HEPACAM2: variants seen among roughly 807,000 people sequenced by gnomAD.
The protein encoded by HEPACAM2 is HEPACAM family member 2.
HEPACAM2 carries 49 observed loss-of-function variants against 49.6 expected under a neutral mutation model. The ratio of observed to expected loss-of-function variants is 0.99; its 90% CI spans 0.78 to 1.25. The LOEUF (loss-of-function observed/expected upper bound fraction) is 1.25, where lower values mean the gene tolerates loss of function less well. Ranked by LOEUF, HEPACAM2 falls within the 50% of genes most tolerant of loss-of-function variation. HEPACAM2 has a pLI of 0.00. For missense variants in HEPACAM2, 525 were observed against 557.2 expected, an observed-to-expected ratio of 0.94 and a Z score of 0.58; for synonymous variants, 197 against 202.9, an observed-to-expected ratio of 0.97 and a Z score of 0.25.
At chr7:93,213,414 A>T (rs1794226204) in intron 3 of HEPACAM2, among the ~76,000 whole-genome samples, 1 of 151,998 alleles carries the variant, frequency 6.6e-6, no homozygotes, top group South Asian at 2.1e-4. Flanking sequence ...TTCATGAAAA[A>T]ACCCTTCACA....
chr7:93,226,528 A>C (rs1794545843), upstream of HEPACAM2: 1 of 1,011,376 alleles, frequency 9.9e-7, no homozygotes, highest in Admixed American at 1.8e-5. Flanking sequence ...GTGAGGTAAC[A>C]GACCCTATCT....
intron 3 of HEPACAM2, 43 bp from the exon 4 acceptor site, chr7:93,208,919 C>T: frequency 6.7e-7 from 1 of 1,494,752 alleles, no homozygotes; most frequent in South Asian, 1.3e-5. Flanking sequence ...CACAAGTAAT[C>T]ACAACATAGG....
At chr7:93,205,040 CA>C (rs1406831613) in intron 4 of HEPACAM2, among the ~76,000 whole-genome samples, 1 of 150,114 alleles carries the variant, frequency 6.7e-6, no homozygotes, top group African/African-American at 2.5e-5. Flanking sequence ...GCAGAGTTTG[CA>C]GTGAGCCGAG....
chr7:93,197,757 A>C, intron 4 of HEPACAM2, 147 bp from the exon 5 acceptor site: 22 of 556,304 alleles, frequency 4.0e-5, no homozygotes, highest in Admixed American at 6.6e-5. Context: ...GAGAGACCAA[A>C]TGGAAGGAAT....
chr7:93,195,759 A>G (rs1254987483), intron 8 of HEPACAM2, 69 bp downstream of exon 8: 1 of 1,245,698 alleles, frequency 8.0e-7, no homozygotes, highest in African/African-American at 1.5e-5. Context: ...GTGCTTAAAC[A>G]AATGCTTTTT....
At chr7:93,222,184 GGGAGATCAGCACA>G (rs1456375277) in intron 1 of HEPACAM2, among the ~76,000 whole-genome samples, 5 of 152,108 alleles carry the variant, frequency 3.3e-5, no homozygotes, top group African/African-American at 1.2e-4. Context: ...GCCTTTGGAT[GGGAGATCAGCACA>G]GGAAAAGATT....
chr7:93,209,023 AATG>A (rs1794108999), intron 3 of HEPACAM2, 147 bp from the exon 4 acceptor site: 1 of 553,174 alleles, frequency 1.8e-6, no homozygotes, highest in South Asian at 3.1e-5. Flanking sequence ...ACTCCCAATA[AATG>A]ATGAGGACCT....
chr7:93,198,846 CA>C (rs1271188921), intron 4 of HEPACAM2, among the ~76,000 whole-genome samples: 2 of 152,050 alleles, frequency 1.3e-5, no homozygotes, highest in East Asian at 3.9e-4. Context: ...CTCCAACAGC[CA>C]AAATAAGGGA....
At chr7:93,222,188 G>A (rs925584144) in intron 1 of HEPACAM2, among the ~76,000 whole-genome samples, 15 of 152,230 alleles carry the variant, frequency 9.9e-5, no homozygotes, top group African/African-American at 3.4e-4. Context: ...TTGGATGGGA[G>A]ATCAGCACAG....
upstream of HEPACAM2, among the ~76,000 whole-genome samples, chr7:93,228,834 G>A (rs1584361444): frequency 6.6e-6 from 1 of 151,854 alleles, no homozygotes; most frequent in Admixed American, 6.6e-5. Flanking sequence ...TTTACAATGG[G>A]ATATGGACAC....
chr7:93,212,896 T>C (rs562400844), intron 3 of HEPACAM2, among the ~76,000 whole-genome samples: 8 of 152,122 alleles, frequency 5.3e-5, no homozygotes, highest in Admixed American at 6.6e-5. Flanking sequence ...AGCAGAAGGA[T>C]AATTCCATTT....
chr7:93,197,410 G>C lies in HEPACAM2; in HGVS notation c.1139-13C>G, dbSNP rs374879910. The C allele has an allele frequency of 9.4e-6, 15 of 1,588,456 alleles. No individual in the cohort carries two copies. The highest frequency in any genetic ancestry group is 3.5e-5 in the South Asian group (3 of 86,534). On this transcript the variant is annotated splice_polypyrimidine_tract_variant and intron_variant, in intron 5 of 9. Transcript: ENST00000394468. ...TTCTGTTTTATAACTAAAATCAAGA[G>C]AGAAGAAAAATGGTAAGGTTTTTTT...
At position 93,192,352 on chromosome 7, in the gene HEPACAM2, C is replaced by A; in HGVS notation, c.1287G>T (p.Arg429Ser). 1.2e-6 allele frequency: 2 copies of A among 1,611,274 alleles called. No individual in the cohort carries two copies. Among genetic ancestry groups the A allele is most frequent in the Non-Finnish European group, 1.7e-6 (2 of 1,178,228 alleles). Residue 429 changes from arginine to serine, a missense_variant, in exon 9 of 10, where the codon AGG (arginine) becomes AGT (serine). By Grantham distance (110) the Arg-to-Ser change is moderately radical. Coordinates refer to ENST00000394468, the MANE Select transcript of HEPACAM2 (RefSeq NM_001039372.4). ...ATACACAATCAGAGGCTGGAACAGACCTGCTTGGGATCTAGAAAATGTGAT... is the reference window on the plus strand; with the variant it reads ...ATACACAATCAGAGGCTGGAACAGAACTGCTTGGGATCTAGAAAATGTGAT... ...DVSGVSRIPS[R>S]SVPASDCVSG... is the part of the protein sequence containing the mutation.
intron 8 of HEPACAM2, 81 bp downstream of exon 8, chr7:93,195,747 C>T (rs1252285124): frequency 8.8e-6 from 9 of 1,022,624 alleles, no homozygotes; most frequent in Non-Finnish European, 1.1e-5. Flanking sequence ...CCACACTGCC[C>T]AGTGCTTAAA....
At chr7:93,216,166 T>C (rs1453487058) in intron 2 of HEPACAM2, among the ~76,000 whole-genome samples, 1 of 152,196 alleles carries the variant, frequency 6.6e-6, no homozygotes, top group Non-Finnish European at 1.5e-5. Context: ...TACTATACTT[T>C]TGGGAAACTG....
At chr7:93,231,086 A>T (rs934624974), upstream of HEPACAM2, among the ~76,000 whole-genome samples, 4 of 152,200 alleles carry the variant, frequency 2.6e-5, no homozygotes, top group Non-Finnish European at 5.9e-5. Flanking sequence ...AGAATTTCAG[A>T]ATCAGAAATA....
intron 8 of HEPACAM2, among the ~76,000 whole-genome samples, chr7:93,193,247 T>C (rs992706914): frequency 1.3e-5 from 2 of 152,136 alleles, no homozygotes; most frequent in African/African-American, 4.8e-5. Context: ...CTTTTTGTTT[T>C]TCTAGAAACC....
At chr7:93,212,627 TCTTA>T (rs1794204249) in intron 3 of HEPACAM2, among the ~76,000 whole-genome samples, 4 of 152,042 alleles carry the variant, frequency 2.6e-5, no homozygotes, top group Admixed American at 2.6e-4. Context: ...AATTTTCAAG[TCTTA>T]CTTTAATGCA....
chr7:93,193,994 G>C (rs749916414), intron 8 of HEPACAM2, among the ~76,000 whole-genome samples: 1 of 152,020 alleles, frequency 6.6e-6, no homozygotes, highest in Non-Finnish European at 1.5e-5. Context: ...CTTCCCCAAA[G>C]CACCTGCAAT....
Sources: allele counts gnomAD v4.1 joint callset (sites outside exome capture counted in the v4.1 genomes callset), GRCh38; gene constraint gnomAD v4.1.1; transcripts MANE v1.5; gene names NCBI Gene and HGNC (gene_info 2026-07-23, HGNC 2026-07-21).